CREBZF: variants seen among roughly 807,000 people sequenced by gnomAD.
The protein encoded by CREBZF is HCF-binding transcription factor Zhangfei.
A neutral mutation model predicts 21.1 loss-of-function variants in CREBZF; 8 were observed. The ratio of observed to expected loss-of-function variants is 0.38; its 90% CI spans 0.22 to 0.68. The LOEUF (loss-of-function observed/expected upper bound fraction) is 0.68, where lower values mean the gene tolerates loss of function less well. Ranked by LOEUF, CREBZF falls within the 30% of genes least tolerant of loss-of-function variation. The probability of loss-of-function intolerance (pLI) is 0.51; values close to 1 mark genes in which losing one functional copy is unlikely to be tolerated. For synonymous variants in CREBZF, 270 were observed against 223.3 expected, an observed-to-expected ratio of 1.21 and a Z score of -1.86; for missense variants, 518 against 484.3, an observed-to-expected ratio of 1.07 and a Z score of -0.65.
chr11:85,679,214 T>A (rs2082960532), intron 1 of CREBZF, among the ~76,000 whole-genome samples: 1 of 152,196 alleles, frequency 6.6e-6, no homozygotes, highest in Non-Finnish European at 1.5e-5. Context: ...ATTCTACAGA[T>A]ACCTTACATC....
chr11:85,678,644 TTC>T (rs1001296904), intron 1 of CREBZF, among the ~76,000 whole-genome samples: 1 of 152,236 alleles, frequency 6.6e-6, no homozygotes, highest in Non-Finnish European at 1.5e-5. Flanking sequence ...ATTAAGGATA[TTC>T]ATTGAAAATA....
At chr11:85,670,988 A>G (rs2082907898) in intron 1 of CREBZF, among the ~76,000 whole-genome samples, 1 of 152,258 alleles carries the variant, frequency 6.6e-6, no homozygotes, top group Non-Finnish European at 1.5e-5. Flanking sequence ...GACAATGGAA[A>G]GACACACAGG....
chr11:85,665,611 A>G (rs1168091986), upstream of CREBZF, among the ~76,000 whole-genome samples: 3 of 151,636 alleles, frequency 2.0e-5, no homozygotes, highest in South Asian at 4.2e-4. Context: ...CCATATGTAT[A>G]GAAATATCAC....
At position 85,660,017 on chromosome 11, in the gene CREBZF, A is replaced by G. The variant is rs1419905770; in HGVS notation, c.*3794T>C. ...AATCATAATCAACTTTTTCAAAGAT[A>G]TACAAATCAATGCATCTATTTAAAA... On this transcript the variant is annotated 3_prime_UTR_variant, in exon 1 of 1. Transcript: ENST00000527447. 6.6e-6 allele frequency: 1 copy of G among 152,134 alleles called. No homozygotes were observed. The highest frequency in any genetic ancestry group is 1.5e-5 in the Non-Finnish European group (1 of 67,948). The allele number at this position is 152,134 out of a possible 1,614,324, so 9.4% of individuals were successfully genotyped here. A position where few individuals can be genotyped will look rare whatever the true frequency, so the allele number is the denominator to read the frequency against.
chr11:85,676,810 C>CTT lies in CREBZF; in HGVS notation n.147+5905_147+5906dup, dbSNP rs11412070. Among the ~76,000 whole-genome samples, 559 of 134,982 alleles carry CTT rather than the reference C, an allele frequency of 4.1e-3. 9 individuals are homozygous for CTT. The highest frequency in any genetic ancestry group is 4.2e-3 in the Non-Finnish European group (268 of 64,268). The allele number at this position is 134,982 out of a possible 152,430, so 88.6% of individuals were successfully genotyped here. A position where few individuals can be genotyped will look rare whatever the true frequency, so the allele number is the denominator to read the frequency against. On this transcript the variant is annotated intron_variant and non_coding_transcript_variant, in intron 1 of 3. Coordinates refer to the CREBZF transcript ENST00000531515. ...AAGCCACCACACTGGGCTAATTTTTCTTTTTTTTTTTTTTGTAGAGTCAGG... is the reference window on the plus strand; with the variant it reads ...AAGCCACCACACTGGGCTAATTTTTCTTTTTTTTTTTTTTTTGTAGAGTCAGG...
At chr11:85,679,887 C>T (rs1463017869) in intron 1 of CREBZF, among the ~76,000 whole-genome samples, 1 of 152,130 alleles carries the variant, frequency 6.6e-6, no homozygotes, top group Non-Finnish European at 1.5e-5. Flanking sequence ...AGAAATATAG[C>T]TTATTGGGAA....
chr11:85,678,373 T>A (rs536485149), intron 1 of CREBZF, among the ~76,000 whole-genome samples: 3 of 152,352 alleles, frequency 2.0e-5, no homozygotes, highest in Admixed American at 6.5e-5. Flanking sequence ...GTATTTTTTT[T>A]TTTAACAGAA....
chr11:85,670,280 CCA>C (rs1491122299), intron 1 of CREBZF, among the ~76,000 whole-genome samples: 1 of 120,228 alleles, frequency 8.3e-6, no homozygotes, highest in Non-Finnish European at 1.7e-5. Flanking sequence ...TCCCCCCCCC[CCA>C]CAATAAGATC....
intron 1 of CREBZF, among the ~76,000 whole-genome samples, chr11:85,671,531 C>T (rs1302339518): frequency 6.6e-6 from 1 of 152,216 alleles, no homozygotes; most frequent in East Asian, 1.9e-4. Context: ...CCTGAAAAAT[C>T]AAAAGCAAGT....
At chr11:85,673,907 A>G (rs575206588) in intron 1 of CREBZF, among the ~76,000 whole-genome samples, 11 of 152,362 alleles carry the variant, frequency 7.2e-5, no homozygotes, top group African/African-American at 2.4e-4. Flanking sequence ...TGGCTTATCC[A>G]TAAGAAGAAA....
Position 85,664,893 on chromosome 11 carries a change from C to A in CREBZF, c.-18G>T. On this transcript the variant is annotated 5_prime_UTR_variant, in exon 1 of 1. Transcript: ENST00000527447. The surrounding 1 kb of genome is among the most constrained non-coding windows in gnomAD (Gnocchi z 5.5). Reference sequence around the variant, plus strand: ...TGCCTCATGAGGGCCAGCGGCGGGCCGCGGTAGGCCCCGGCCGCTAAGAGT... The same window carrying A: ...TGCCTCATGAGGGCCAGCGGCGGGCAGCGGTAGGCCCCGGCCGCTAAGAGT... 2.8e-6 allele frequency: 4 copies of A among 1,439,112 alleles called. No individual in the cohort carries two copies. The highest frequency in any genetic ancestry group is 3.6e-6 in the Non-Finnish European group (4 of 1,102,030). 89.1% of individuals were successfully genotyped at this position (1,439,112 alleles called of 1,614,324 possible).
At chr11:85,674,906 A>G (rs2082932835) in intron 1 of CREBZF, among the ~76,000 whole-genome samples, 1 of 152,184 alleles carries the variant, frequency 6.6e-6, no homozygotes, top group Non-Finnish European at 1.5e-5. Context: ...CTCCTTCAGA[A>G]TACCCAAACC....
Position 85,658,793 on chromosome 11 carries a change from G to A in CREBZF, c.*5018C>T, listed in dbSNP as rs971790493. ...GCAAAGACAAAATTTGGAGGCAGAC[G>A]CTAAAGGAAGTTGAGATAAATAAAA... On this transcript the variant is annotated 3_prime_UTR_variant, in exon 1 of 1. Transcript: ENST00000527447. Among the ~76,000 whole-genome samples, 2 of 151,978 alleles carry A rather than the reference G, an allele frequency of 1.3e-5. No homozygotes were observed. Among genetic ancestry groups the A allele is most frequent in the African/African-American group, 4.8e-5 (2 of 41,400 alleles).
rs759005133 is a variant in CREBZF, at chr11:85,663,982, G to C, written c.894C>G (p.Asp298Glu). ...GLRLTTSLFR[D>E]SPAGDHDYAL... is the part of the protein sequence containing the mutation. The stretch of plus-strand genomic sequence containing the variant: ...CGTAGTCGTGGTCACCGGCGGGCGA[G>C]TCTCTGAAGAGCGAGGTGGTCAGCC... The change falls in exon 1 of 1, where the codon GAC becomes GAG. Residue 298 changes from aspartate to glutamate, a missense_variant. Coordinates refer to ENST00000527447, the MANE Select transcript of CREBZF (RefSeq NM_001039618.4). 6 of 1,613,112 alleles carry C rather than the reference G, an allele frequency of 3.7e-6. No individual in the cohort carries two copies. Among genetic ancestry groups the C allele is most frequent in the Admixed American group, 1.7e-5 (1 of 60,002 alleles).
chr11:85,665,073 G>C lies in CREBZF; in HGVS notation c.-198C>G. On this transcript the variant is annotated 5_prime_UTR_variant, in exon 1 of 1. Transcript: ENST00000527447. ...GCGGGGAGGGACGGGAGAACGAAGC[G>C]GTGAGGCCCTGCGATGACTCGACCG... 1 of 438,292 alleles carries C rather than the reference G, an allele frequency of 2.3e-6. No homozygotes were observed. Among genetic ancestry groups the C allele is most frequent in the Non-Finnish European group, 4.1e-6 (1 of 243,816 alleles). The allele number at this position is 438,292 out of a possible 1,614,324, so 27.2% of individuals were successfully genotyped here. A position where few individuals can be genotyped will look rare whatever the true frequency, so the allele number is the denominator to read the frequency against.
In CREBZF at chr11:85,663,724, C is replaced by T; in HGVS notation, c.*87G>A. ...TTTTTTCTCTCCTCTGAAATGTGTC[C>T]GGTGAAGATGTCCCACTAAGGTAAG... On this transcript the variant is annotated 3_prime_UTR_variant, in exon 1 of 1. Coordinates refer to ENST00000527447, the MANE Select transcript of CREBZF (RefSeq NM_001039618.4). The T allele has an allele frequency of 6.3e-7, 1 of 1,594,476 alleles. No homozygotes were observed. Among genetic ancestry groups the T allele is most frequent in the Non-Finnish European group, 8.5e-7 (1 of 1,170,742 alleles).
intron 1 of CREBZF, among the ~76,000 whole-genome samples, chr11:85,670,792 C>T (rs1021778351): frequency 3.3e-5 from 5 of 152,192 alleles, no homozygotes; most frequent in African/African-American, 7.2e-5. Flanking sequence ...GATTAGATTG[C>T]GTCCCTCAAA....
At chr11:85,668,383 G>T (rs901244233), upstream of CREBZF, among the ~76,000 whole-genome samples, 1 of 151,798 alleles carries the variant, frequency 6.6e-6, no homozygotes, top group Non-Finnish European at 1.5e-5. Context: ...TATTTCTTCC[G>T]TTCTATTTCT....
Position 85,662,691 on chromosome 11 carries a change from C to A in CREBZF, c.*1120G>T. 1 of 371,910 alleles carries A rather than the reference C, an allele frequency of 2.7e-6. No individual in the cohort carries two copies. Among genetic ancestry groups the A allele is most frequent in the Non-Finnish European group, 4.8e-6 (1 of 207,828 alleles). The allele number at this position is 371,910 out of a possible 1,614,324, so 23.0% of individuals were successfully genotyped here. The stretch of plus-strand genomic sequence containing the variant: ...AAATTATTTTAAAATAGGACAAATA[C>A]TTTTGAAACACAGAGAATAAGATTC... On this transcript the variant is annotated 3_prime_UTR_variant, in exon 1 of 1. Transcript: ENST00000527447.
Sources: allele counts gnomAD v4.1 joint callset (sites outside exome capture counted in the v4.1 genomes callset), GRCh38; gene constraint gnomAD v4.1.1; non-coding constraint Gnocchi (gnomAD v3.1); transcripts MANE v1.5; gene names NCBI Gene and HGNC (gene_info 2026-07-23, HGNC 2026-07-21).